Variants in EMILIN2 observed in about 807,000 individuals in gnomAD.
EMILIN2 encodes the protein EMILIN-2.
A neutral mutation model predicts 87.1 loss-of-function variants in EMILIN2; 71 were observed. The ratio of observed to expected loss-of-function variants is 0.82; its 90% CI spans 0.67 to 0.99. The LOEUF is 0.99. Among genes scored for constraint, EMILIN2 ranks in the 50% least tolerant of loss-of-function variants. The pLI is 0.00. For missense variants in EMILIN2, 1,407 were observed against 1,371.8 expected, an observed-to-expected ratio of 1.03 and a Z score of -0.40; for synonymous variants, 581 against 563.4, an observed-to-expected ratio of 1.03 and a Z score of -0.44.
At chr18:2,868,670 C>T (rs1047333810) in intron 2 of EMILIN2, among the ~76,000 whole-genome samples, 1 of 152,136 alleles carries the variant, frequency 6.6e-6, no homozygotes, top group Non-Finnish European at 1.5e-5. Flanking sequence ...GGGGCGCGCG[C>T]CTGCAATCGC....
chr18:2,907,065 AAG>A lies in EMILIN2; in HGVS notation c.2643_2644del (p.Gly882LeufsTer38). 1 of 1,256,878 alleles carries A rather than the reference AAG, an allele frequency of 8.0e-7. No homozygotes were observed. The highest frequency in any genetic ancestry group is 3.2e-5 in the South Asian group (1 of 31,212). The allele number at this position is 1,256,878 out of a possible 1,614,324, so 77.9% of individuals were successfully genotyped here. A position where few individuals can be genotyped will look rare whatever the true frequency, so the allele number is the denominator to read the frequency against. On this transcript the variant is annotated frameshift_variant, in exon 5 of 8. Transcript: ENST00000254528. LOFTEE classifies it high-confidence loss of function. ...GGGAGCGGCACCGTCCCCGGCGCAG[AAG>A]GCTTCGCGGGCGCACCAGGTGAGGC...
Position 2,913,454 on chromosome 18 carries a change from A to G in EMILIN2, c.*50A>G. On this transcript the variant is annotated 3_prime_UTR_variant, in exon 8 of 8. Transcript: ENST00000254528. Reference sequence around the variant, plus strand: ...AAGATAGATAGTTGTAAAAACTCTAAAGCTTTAATATATTCGGTTTGTATG... The same window carrying G: ...AAGATAGATAGTTGTAAAAACTCTAGAGCTTTAATATATTCGGTTTGTATG... 4 of 1,419,464 alleles carry G rather than the reference A, an allele frequency of 2.8e-6. No individual in the cohort carries two copies. The highest frequency in any genetic ancestry group is 2.9e-6 in the Non-Finnish European group (3 of 1,044,306). The allele number at this position is 1,419,464 out of a possible 1,614,324, so 87.9% of individuals were successfully genotyped here. A position where few individuals can be genotyped will look rare whatever the true frequency, so the allele number is the denominator to read the frequency against.
chr18:2,896,360 G>A (rs1159746831), intron 4 of EMILIN2, among the ~76,000 whole-genome samples: 3 of 152,008 alleles, frequency 2.0e-5, no homozygotes, highest in Non-Finnish European at 4.4e-5. Context: ...ATTTTTAGTA[G>A]AGACAAGGTT....
chr18:2,859,195 G>T (rs1162478359), intron 2 of EMILIN2, among the ~76,000 whole-genome samples: 1 of 152,114 alleles, frequency 6.6e-6, no homozygotes, highest in Non-Finnish European at 1.5e-5. Context: ...CAGTGTAGAA[G>T]TGTTCCCTTT....
At chr18:2,861,164 G>T (rs1166353290) in intron 2 of EMILIN2, among the ~76,000 whole-genome samples, 4 of 152,058 alleles carry the variant, frequency 2.6e-5, no homozygotes, top group Non-Finnish European at 5.9e-5. Context: ...TTGCAAAAAT[G>T]TTCTCCCATT....
intron 6 of EMILIN2, among the ~76,000 whole-genome samples, chr18:2,909,200 A>C (rs1361720050): frequency 6.6e-6 from 1 of 152,172 alleles, no homozygotes; most frequent in African/African-American, 2.4e-5. Flanking sequence ...CAAGACAAGG[A>C]ATCTTCCCTC....
At chr18:2,875,112 G>GCTGCAAA (rs1300987699) in intron 2 of EMILIN2, among the ~76,000 whole-genome samples, 2 of 152,214 alleles carry the variant, frequency 1.3e-5, no homozygotes, top group African/African-American at 4.8e-5. Context: ...GGGTGCCGGT[G>GCTGCAAA]CTGCAAACCA....
chr18:2,859,612 G>T (rs2076650621), intron 2 of EMILIN2, among the ~76,000 whole-genome samples: 1 of 152,084 alleles, frequency 6.6e-6, no homozygotes. Flanking sequence ...TGTTGCATGT[G>T]CTTTTGCATT....
At chr18:2,874,366 C>G (rs680173) in intron 2 of EMILIN2, among the ~76,000 whole-genome samples, 49,570 of 151,978 alleles carry the variant, frequency 0.33, 8,837 homozygotes, top group Admixed American at 0.49. Flanking sequence ...TAGTTGATTA[C>G]TTTTTGTTGT....
intron 2 of EMILIN2, among the ~76,000 whole-genome samples, chr18:2,859,621 T>A (rs1037770801): frequency 6.6e-6 from 1 of 152,224 alleles, no homozygotes. Context: ...TGCTTTTGCA[T>A]TCTTGGTGAT....
Position 2,847,267 on chromosome 18 carries a change from C to T in EMILIN2, c.79C>T (p.Leu27=). 7.6e-7 allele frequency: 1 copy of T among 1,315,504 alleles called. No individual in the cohort carries two copies. The highest frequency in any genetic ancestry group is 9.7e-7 in the Non-Finnish European group (1 of 1,035,312). 81.5% of individuals were successfully genotyped at this position (1,315,504 alleles called of 1,614,324 possible). The change falls in exon 1 of 8, where the codon CTG becomes TTG. Residue 27 remains leucine (L), a synonymous_variant. Coordinates refer to ENST00000254528, the MANE Select transcript of EMILIN2 (RefSeq NM_032048.3). This position sits in a 1 kb window ranked among gnomAD's most constrained non-coding sequence, Gnocchi z 4.5. ...GCTGCTGGCCCTGGTTGGCGCGGGG[C>T]TGTGCCACGCCGGCCCGCAGCCCGG... is the stretch of plus-strand genomic sequence containing the variant. ...LALLALVGAG[L]CHAGPQPGYP...
intron 5 of EMILIN2, among the ~76,000 whole-genome samples, chr18:2,907,897 C>T (rs1346684531): frequency 1.3e-5 from 2 of 152,204 alleles, no homozygotes; most frequent in African/African-American, 4.8e-5. Context: ...ACCAGTCAGT[C>T]CCCTCTGAGT....
At position 2,847,994 on chromosome 18, in the gene EMILIN2, G is replaced by C; in HGVS notation, c.257+63G>C. The C allele has an allele frequency of 6.7e-7, 1 of 1,493,488 alleles. No individual in the cohort carries two copies. Among genetic ancestry groups the C allele is most frequent in the South Asian group, 1.3e-5 (1 of 78,738 alleles). 92.5% of individuals were successfully genotyped at this position (1,493,488 alleles called of 1,614,324 possible). On this transcript the variant is annotated intron_variant, in intron 2 of 7. Coordinates refer to ENST00000254528, the MANE Select transcript of EMILIN2 (RefSeq NM_032048.3). The surrounding 1 kb of genome is among the most constrained non-coding windows in gnomAD (Gnocchi z 4.5). ...GGGCCGGGGCGGTGGGGGTGGGGTG[G>C]GGTTGCTGCGCTGGGCTCCAGTCCC...
intron 4 of EMILIN2, 48 bp from the exon 5 acceptor site, chr18:2,906,735 C>T (rs2076914483): frequency 1.6e-6 from 2 of 1,230,710 alleles, no homozygotes; most frequent in Admixed American, 4.3e-5. Context: ...GCAGTCAGGG[C>T]TGAGGTTTCC....
chr18:2,847,861 G>C lies in EMILIN2; in HGVS notation c.187G>C (p.Gly63Arg). The change falls in exon 2 of 8, where the codon GGA becomes CGA. Residue 63 changes from glycine to arginine, a missense_variant. Transcript: ENST00000254528. This position sits in a 1 kb window ranked among gnomAD's most constrained non-coding sequence, Gnocchi z 4.5. ...NKNVSCSVLE[G>R]SESFIQAQYN... ...GAATGTGAGCTGCTCCGTGCTGGAG[G>C]GAAGTGAGAGTTTTATTCAGGCTCA... is the stretch of plus-strand genomic sequence containing the variant. 1 of 1,613,698 alleles carries C rather than the reference G, an allele frequency of 6.2e-7. No individual in the cohort carries two copies. Among genetic ancestry groups the C allele is most frequent in the Non-Finnish European group, 8.5e-7 (1 of 1,179,848 alleles).
At chr18:2,896,284 T>C (rs371908513) in intron 4 of EMILIN2, among the ~76,000 whole-genome samples, 34 of 152,126 alleles carry the variant, frequency 2.2e-4, no homozygotes, top group African/African-American at 8.2e-4. Context: ...CAAGCGATTC[T>C]CCTGCCTCAG....
At chr18:2,905,456 T>G (rs994841940) in intron 4 of EMILIN2, among the ~76,000 whole-genome samples, 4 of 152,070 alleles carry the variant, frequency 2.6e-5, no homozygotes. Context: ...TAATAGGGTA[T>G]CTATTACCCA....
intron 2 of EMILIN2, among the ~76,000 whole-genome samples, chr18:2,876,862 A>G (rs532266889): frequency 6.6e-6 from 1 of 152,350 alleles, no homozygotes; most frequent in African/African-American, 2.4e-5. Context: ...TTTGTGTTTC[A>G]GAAATATATT....
intron 3 of EMILIN2, among the ~76,000 whole-genome samples, chr18:2,887,095 G>A (rs1301170695): frequency 1.3e-5 from 2 of 152,096 alleles, no homozygotes; most frequent in African/African-American, 4.8e-5. Context: ...CCACTTTATA[G>A]TATGAACACT....
Sources: allele counts gnomAD v4.1 joint callset (sites outside exome capture counted in the v4.1 genomes callset), GRCh38; gene constraint gnomAD v4.1.1; non-coding constraint Gnocchi (gnomAD v3.1); transcripts MANE v1.5; gene names NCBI Gene and HGNC (gene_info 2026-07-23, HGNC 2026-07-21).